Variants in ADK observed in about 807,000 individuals in gnomAD.
The protein encoded by ADK is adenosine kinase.
In ADK, 24 loss-of-function variants were observed where a neutral mutation model predicts 44.7. The observed-to-expected ratio is 0.54, with a 90% CI of 0.39 to 0.76. The LOEUF (loss-of-function observed/expected upper bound fraction) is 0.76. Among genes scored for constraint, ADK ranks in the 30% least tolerant of loss-of-function variants. The pLI is 0.00. For synonymous variants in ADK, 128 were observed against 142.6 expected (o/e 0.90, Z 0.73); for missense variants, 321 against 425.1 (o/e 0.76, Z 2.15).
At chr10:74,425,941 G>A (rs1028741414) in intron 6 of ADK, among the ~76,000 whole-genome samples, 18 of 151,992 alleles carry the variant, frequency 1.2e-4, no homozygotes, top group Admixed American at 5.2e-4. Context: ...TAAGTATAAT[G>A]TATTATTTTT....
At chr10:74,580,235 A>C (rs911826159) in intron 7 of ADK, among the ~76,000 whole-genome samples, 3 of 152,096 alleles carry the variant, frequency 2.0e-5, no homozygotes, top group African/African-American at 7.2e-5. Context: ...TTCCCATCCT[A>C]TTCTCATGGT....
At chr10:74,505,036 G>A (rs996340975) in intron 6 of ADK, among the ~76,000 whole-genome samples, 4 of 152,278 alleles carry the variant, frequency 2.6e-5, no homozygotes, top group East Asian at 1.9e-4. Flanking sequence ...CACTGAGCAG[G>A]CTGAAGAGGA....
chr10:74,273,591 G>C (rs1194309999), intron 3 of ADK, among the ~76,000 whole-genome samples: 2 of 152,046 alleles, frequency 1.3e-5, no homozygotes, highest in Non-Finnish European at 2.9e-5. Flanking sequence ...CTGAGTAGCT[G>C]GGATTACAGG....
chr10:74,521,900 G>A (rs11816554), intron 6 of ADK, among the ~76,000 whole-genome samples: 4,521 of 152,080 alleles, frequency 0.03, 193 homozygotes, highest in African/African-American at 0.091. Flanking sequence ...AAGAATTAAT[G>A]GATTCAATTT....
intron 10 of ADK, among the ~76,000 whole-genome samples, chr10:74,672,842 A>G (rs1014821163): frequency 6.6e-5 from 10 of 152,178 alleles, no homozygotes; most frequent in African/African-American, 2.4e-4. Context: ...CCCCTATTTT[A>G]CTGATGAAAA....
intron 4 of ADK, among the ~76,000 whole-genome samples, chr10:74,337,228 A>G (rs2131862888): frequency 6.6e-6 from 1 of 152,320 alleles, no homozygotes; most frequent in Admixed American, 6.5e-5. Flanking sequence ...AAACTAACAC[A>G]ATAGGTTGCT....
intron 1 of ADK, among the ~76,000 whole-genome samples, chr10:74,199,375 T>C (rs182603076): frequency 2.6e-5 from 4 of 152,338 alleles, no homozygotes; most frequent in Admixed American, 2.6e-4. Context: ...CAGTGTCTTT[T>C]GTCCCGACAT....
At chr10:74,377,136 TA>T (rs1004910693) in intron 4 of ADK, among the ~76,000 whole-genome samples, 2 of 152,196 alleles carry the variant, frequency 1.3e-5, no homozygotes, top group African/African-American at 4.8e-5. Context: ...AGTAGGTTAT[TA>T]TTGGTATCTG....
At chr10:74,302,127 T>TTTTTTTTTG (rs1840074530) in intron 3 of ADK, among the ~76,000 whole-genome samples, 1 of 99,664 alleles carries the variant, frequency 1.0e-5, no homozygotes, top group African/African-American at 4.3e-5. Context: ...TTTTTTTTTT[T>TTTTTTTTTG]TTTTTTTTTT....
intron 9 of ADK, among the ~76,000 whole-genome samples, chr10:74,657,356 G>T (rs962074543): frequency 2.6e-5 from 4 of 152,140 alleles, no homozygotes; most frequent in Admixed American, 2.6e-4. Context: ...TTTTGGGAAA[G>T]GTTGTGCAAG....
chr10:74,614,012 A>G (rs1342929592), intron 9 of ADK, among the ~76,000 whole-genome samples: 1 of 152,186 alleles, frequency 6.6e-6, no homozygotes, highest in Non-Finnish European at 1.5e-5. Context: ...TCACCTATGA[A>G]TGTAAGTTAC....
chr10:74,455,280 G>T (rs1164172518), intron 6 of ADK, among the ~76,000 whole-genome samples: 1 of 151,944 alleles, frequency 6.6e-6, no homozygotes. Flanking sequence ...GAGGTGGGAG[G>T]ATCACTTGGA....
intron 6 of ADK, among the ~76,000 whole-genome samples, chr10:74,515,998 C>T (rs1848556034): frequency 6.6e-6 from 1 of 152,162 alleles, no homozygotes; most frequent in African/African-American, 2.4e-5. Context: ...CAGAGGAGGG[C>T]ATACTACACA....
At chr10:74,280,021 G>C (rs1846862603) in intron 3 of ADK, among the ~76,000 whole-genome samples, 2 of 152,258 alleles carry the variant, frequency 1.3e-5, no homozygotes, top group Middle Eastern at 3.4e-3. Flanking sequence ...AGTTAGACTA[G>C]ATCTCTTAAA....
At chr10:74,516,292 A>G (rs1289207275) in intron 6 of ADK, among the ~76,000 whole-genome samples, 1 of 152,080 alleles carries the variant, frequency 6.6e-6, no homozygotes, top group Non-Finnish European at 1.5e-5. Flanking sequence ...GGTGGGGAAG[A>G]TGGGACCACG....
At chr10:74,374,819 T>C (rs978053077) in intron 4 of ADK, among the ~76,000 whole-genome samples, 2 of 152,164 alleles carry the variant, frequency 1.3e-5, no homozygotes, top group African/African-American at 4.8e-5. Flanking sequence ...TGGTAAAATC[T>C]TCAAACTTCA....
intron 6 of ADK, among the ~76,000 whole-genome samples, chr10:74,474,954 C>T (rs760885028): frequency 2.0e-5 from 3 of 152,010 alleles, no homozygotes; most frequent in East Asian, 1.9e-4. Flanking sequence ...GGTGAAACCC[C>T]GTCTCTACTA....
At chr10:74,666,606 G>T (rs915098753) in intron 9 of ADK, among the ~76,000 whole-genome samples, 6 of 152,096 alleles carry the variant, frequency 3.9e-5, no homozygotes, top group African/African-American at 1.4e-4. Flanking sequence ...CAGAAAGCTA[G>T]TTTTTACTAA....
intron 3 of ADK, among the ~76,000 whole-genome samples, chr10:74,292,055 GT>G (rs1273048492): frequency 6.6e-6 from 1 of 151,980 alleles, no homozygotes; most frequent in African/African-American, 2.4e-5. Flanking sequence ...CCGTGGGATT[GT>G]TTTTTTCTTT....
Sources: allele counts gnomAD v4.1 joint callset (sites outside exome capture counted in the v4.1 genomes callset), GRCh38; gene constraint gnomAD v4.1.1; transcripts MANE v1.5; gene names NCBI Gene and HGNC (gene_info 2026-07-23, HGNC 2026-07-21).